MACF1: variants seen among roughly 807,000 people sequenced by gnomAD.
MACF1 encodes microtubule actin crosslinking factor 1.
In MACF1, 193 loss-of-function variants were observed where a neutral mutation model predicts 854.8. That is an observed-to-expected ratio of 0.23 (90% CI 0.20 to 0.25). The LOEUF is 0.25. Among genes scored for constraint, MACF1 ranks in the 10% least tolerant of loss-of-function variants. The probability of loss-of-function intolerance (pLI) is 1.00; values close to 1 mark genes in which losing one functional copy is unlikely to be tolerated. For synonymous variants in MACF1, 3,185 were observed against 3,226.7 expected (o/e 0.99, Z 0.44); for missense variants, 7,722 against 8,929.1 (o/e 0.86, Z 5.45).
At chr1:39,419,645 T>C (rs1011636975) in intron 58 of MACF1, among the ~76,000 whole-genome samples, 1 of 152,228 alleles carries the variant, frequency 6.6e-6, no homozygotes, top group Admixed American at 6.5e-5. Flanking sequence ...TTTCTTTCTT[T>C]TTTTGAGATG....
intron 24 of MACF1, 21 bp from the exon 25 acceptor site, chr1:39,310,224 C>T (rs1381536981): frequency 1.1e-5 from 18 of 1,584,284 alleles, no homozygotes; most frequent in Non-Finnish European, 1.4e-5. Flanking sequence ...GTTGCAATTT[C>T]TTCTGGCTTT....
intron 1 of MACF1, among the ~76,000 whole-genome samples, chr1:39,213,019 G>T (rs562390825): frequency 6.6e-6 from 1 of 152,138 alleles, no homozygotes; most frequent in South Asian, 2.1e-4. Context: ...TCTGGTTTAG[G>T]TCCTTCTCAG....
intron 2 of MACF1, among the ~76,000 whole-genome samples, chr1:39,140,170 G>C (rs774983600): frequency 2.6e-5 from 4 of 152,108 alleles, no homozygotes. Flanking sequence ...GCCCAGGCTG[G>C]TCTTGAACTC....
intron 2 of MACF1, among the ~76,000 whole-genome samples, chr1:39,158,017 T>C (rs1643725946): frequency 6.6e-6 from 1 of 152,212 alleles, no homozygotes. Flanking sequence ...ATGAGCCATT[T>C]TGAGTTCCTT....
At chr1:39,446,594 G>T (rs903715898) in intron 80 of MACF1, among the ~76,000 whole-genome samples, 3 of 151,884 alleles carry the variant, frequency 2.0e-5, no homozygotes, top group African/African-American at 7.3e-5. Flanking sequence ...AACAGTTAAC[G>T]TTTTTGGTGT....
chr1:39,359,890 G>A (rs542910602), intron 47 of MACF1, among the ~76,000 whole-genome samples: 1 of 147,768 alleles, frequency 6.8e-6, no homozygotes, highest in Non-Finnish European at 1.5e-5. Context: ...TGGAGGCTGA[G>A]GCAGGAGAAT....
At chr1:39,411,482 A>G (rs780506324) in intron 58 of MACF1, 61 of 1,613,430 alleles carry the variant, frequency 3.8e-5, no homozygotes, top group Non-Finnish European at 4.7e-5. Context: ...GCCAAGGACC[A>G]GTTGGCTACT....
intron 70 of MACF1, 64 bp from the exon 71 acceptor site, chr1:39,437,713 C>A: frequency 8.0e-7 from 1 of 1,251,490 alleles, no homozygotes; most frequent in Non-Finnish European, 1.2e-6. Flanking sequence ...TCCTTATTCC[C>A]TAACACTTCT....
chr1:39,356,943 A>C (rs1445868459), intron 44 of MACF1, among the ~76,000 whole-genome samples: 1 of 152,164 alleles, frequency 6.6e-6, no homozygotes, highest in Admixed American at 6.5e-5. Flanking sequence ...CTCTTTGAAA[A>C]CCATAAAGTC....
chr1:39,467,254 A>G (rs1644689260), intron 95 of MACF1, among the ~76,000 whole-genome samples: 1 of 152,038 alleles, frequency 6.6e-6, no homozygotes, highest in Admixed American at 6.6e-5. Context: ...AGTCCCAGCT[A>G]CTCGGAAGGC....
intron 80 of MACF1, among the ~76,000 whole-genome samples, 180 bp from the exon 81 acceptor site, chr1:39,447,252 C>T (rs1644249333): frequency 6.6e-6 from 1 of 152,216 alleles, no homozygotes; most frequent in South Asian, 2.1e-4. Context: ...TTGTTTCAGA[C>T]ACTAACATTA....
chr1:39,267,088 A>G (rs1645242413), intron 6 of MACF1, among the ~76,000 whole-genome samples: 1 of 152,234 alleles, frequency 6.6e-6, no homozygotes, highest in South Asian at 2.1e-4. Context: ...GCAACTGAGT[A>G]CAGATTTCCA....
rs767353202 is a variant in MACF1 at position 39,480,008 on chromosome 1, A to G, written c.22169A>G (p.Lys7390Arg). Residue 7390 changes from lysine to arginine, a missense_variant and splice_region_variant, in exon 98 of 101, where the codon AAG becomes AGG. By Grantham distance (26) the Lys-to-Arg change is conservative. This residue lies in a region of MACF1 where 185 missense variants were observed against 225.7 expected (regional missense o/e 0.82). Coordinates refer to ENST00000564288, the MANE Select transcript of MACF1 (RefSeq NM_001394062.1). ...CCAGCCACCCCAGCCAGTGGAACCA[A>G]GGTATGTACTGATCTCCATTATGCC... ...SSPATPASGT[K>R]TSLQFSRCYD... The G allele has an allele frequency of 3.8e-6, 6 of 1,574,960 alleles. No individual in the cohort carries two copies. In the African/African-American group the frequency reaches 6.8e-5, roughly 18 times the overall value.
intron 2 of MACF1, among the ~76,000 whole-genome samples, chr1:39,087,123 G>A (rs1641692416): frequency 6.6e-6 from 1 of 152,210 alleles, no homozygotes; most frequent in East Asian, 1.9e-4. Flanking sequence ...AGGAGGTGCA[G>A]GGGGGCATGT....
intron 2 of MACF1, among the ~76,000 whole-genome samples, chr1:39,126,672 A>G (rs1642867657): frequency 6.6e-6 from 1 of 152,004 alleles, no homozygotes; most frequent in Non-Finnish European, 1.5e-5. Context: ...CTGTAATCCC[A>G]GTTACTTGGG....
chr1:39,453,950 G>A, intron 88 of MACF1, 100 bp downstream of exon 88: 1 of 1,382,822 alleles, frequency 7.2e-7, no homozygotes, highest in Non-Finnish European at 9.9e-7. Flanking sequence ...TTCACTCACT[G>A]TGAATAACTC....
Position 39,332,967 on chromosome 1 carries a change from A to G in MACF1, c.6379A>G (p.Ser2127Gly), listed in dbSNP as rs766786831. ...QTAVSVRENASRGHLLTIPPA... is the reference protein window; with the variant it reads ...QTAVSVRENAGRGHLLTIPPA... ...AGCAGTGTCTGTCAGAGAAAATGCC[A>G]GCAGGGGACACCTCCTGACCATACC... is the stretch of plus-strand genomic sequence containing the variant. Residue 2127 changes from serine to glycine, a missense_variant, in exon 37 of 101, where the codon AGC becomes GGC. Physicochemically the swap from Ser to Gly is moderately conservative, Grantham distance 56. This residue lies in a region of MACF1 where 1,531 missense variants were observed against 1,601.6 expected (regional missense o/e 0.96). Transcript: ENST00000564288. 6.2e-7 allele frequency: 1 copy of G among 1,614,186 alleles called. No individual in the cohort carries two copies. Among genetic ancestry groups the G allele is most frequent in the Non-Finnish European group, 8.5e-7 (1 of 1,180,042 alleles).
At chr1:39,266,248 A>T (rs1458984399) in intron 6 of MACF1, among the ~76,000 whole-genome samples, 1 of 152,244 alleles carries the variant, frequency 6.6e-6, no homozygotes, top group African/African-American at 2.4e-5. Flanking sequence ...CATTCATAAA[A>T]TTCAAGTGCA....
chr1:39,479,775 G>C, intron 97 of MACF1, 23 bp from the exon 98 acceptor site: 2 of 1,596,610 alleles, frequency 1.3e-6, no homozygotes, highest in Non-Finnish European at 1.7e-6. Flanking sequence ...CTGACATTGT[G>C]TGTGTGTTTA....
Sources: allele counts gnomAD v4.1 joint callset (sites outside exome capture counted in the v4.1 genomes callset), GRCh38; gene constraint gnomAD v4.1.1; regional missense constraint gnomAD v4.1.1; transcripts MANE v1.5; gene names NCBI Gene and HGNC (gene_info 2026-07-23, HGNC 2026-07-21).